HPSE2: variants seen among roughly 807,000 people sequenced by gnomAD.
HPSE2 encodes the protein heparanase 2 (inactive), also known as inactive heparanase-2.
A neutral mutation model predicts 60.5 loss-of-function variants in HPSE2; 38 were observed. The observed-to-expected ratio is 0.63, with a 90% confidence interval of 0.48 to 0.82. The LOEUF (loss-of-function observed/expected upper bound fraction) is 0.82. Ranked by LOEUF, HPSE2 falls within the 40% of genes least tolerant of loss-of-function variation. HPSE2 has a pLI of 0.00. For missense variants in HPSE2, 713 were observed against 740.4 expected, an observed-to-expected ratio of 0.96 and a Z score of 0.43; for synonymous variants, 295 against 293.2, an observed-to-expected ratio of 1.01 and a Z score of -0.06.
intron 6 of HPSE2, among the ~76,000 whole-genome samples, chr10:98,665,136 G>T (rs1947328587): frequency 6.6e-6 from 1 of 152,122 alleles, no homozygotes; most frequent in Non-Finnish European, 1.5e-5. Flanking sequence ...TTCACCAGAA[G>T]AATTTCATAA....
intron 3 of HPSE2, among the ~76,000 whole-genome samples, chr10:99,103,588 C>A (rs1844108073): frequency 6.6e-6 from 1 of 152,176 alleles, no homozygotes. Context: ...AATGCCATCC[C>A]CATCAAGCTA....
chr10:98,560,703 T>C (rs1212878515), intron 9 of HPSE2, among the ~76,000 whole-genome samples: 1 of 152,226 alleles, frequency 6.6e-6, no homozygotes. Context: ...CATAAAGATG[T>C]TTCAGTCAAT....
rs368527282 is a variant in HPSE2 at position 99,114,897 on chromosome 10, G to A, written c.610+29341C>T. On this transcript the variant is annotated intron_variant, in intron 3 of 11. Coordinates refer to ENST00000370552, the MANE Select transcript of HPSE2 (RefSeq NM_021828.5). ...CCACTGCACTCCAGCCTGAGACTCC[G>A]TCTCAAAAAAAAAAAAAAAAAAGAA... is the stretch of plus-strand genomic sequence containing the variant. 2.3e-3 allele frequency among the ~76,000 whole-genome samples: 294 copies of A among 128,812 alleles called. 4 individuals carry two copies. The highest frequency in any genetic ancestry group is 8.1e-3 in the African/African-American group (271 of 33,370). The allele number at this position is 128,812 out of a possible 152,430, so 84.5% of individuals were successfully genotyped here.
At chr10:98,843,211 A>G (rs569087608) in intron 3 of HPSE2, among the ~76,000 whole-genome samples, 2 of 152,084 alleles carry the variant, frequency 1.3e-5, no homozygotes, top group African/African-American at 2.4e-5. Context: ...CCACCCTCCG[A>G]TAGGCCCCAG....
chr10:98,909,634 T>TA (rs1416692775), intron 3 of HPSE2, among the ~76,000 whole-genome samples: 4 of 145,838 alleles, frequency 2.7e-5, no homozygotes, highest in East Asian at 2.0e-4. Flanking sequence ...GTCTCAAAAT[T>TA]TAAAAAAAAA....
At chr10:99,298,001 T>A in the HPSE2 span, among the ~76,000 whole-genome samples, 2 of 152,218 alleles carry the variant, frequency 1.3e-5, no homozygotes, top group South Asian at 2.1e-4. Context: ...TGCTGTCTTA[T>A]AACTGCTTTG....
intron 3 of HPSE2, among the ~76,000 whole-genome samples, chr10:98,960,825 G>C (rs1200239048): frequency 7.0e-6 from 1 of 142,368 alleles, no homozygotes; most frequent in African/African-American, 2.6e-5. Context: ...TGCCATGCTG[G>C]TGCGCTGCAC....
At chr10:99,054,295 A>C (rs1257456655) in intron 3 of HPSE2, among the ~76,000 whole-genome samples, 6 of 152,204 alleles carry the variant, frequency 3.9e-5, no homozygotes, top group East Asian at 1.9e-4. Flanking sequence ...GAAGAAAAGC[A>C]ATGTTAGAGT....
At chr10:99,172,126 C>A (rs1847334957) in intron 2 of HPSE2, among the ~76,000 whole-genome samples, 1 of 152,166 alleles carries the variant, frequency 6.6e-6, no homozygotes, top group African/African-American at 2.4e-5. Flanking sequence ...TACGAATGAT[C>A]CCATCATCCA....
intron 3 of HPSE2, among the ~76,000 whole-genome samples, chr10:98,777,636 A>G (rs139744960): frequency 3.3e-5 from 5 of 152,272 alleles, no homozygotes; most frequent in Middle Eastern, 3.4e-3. Flanking sequence ...TTTGTCCTCT[A>G]TAATTTTCTT....
chr10:98,468,082 CTGGTATG>C (rs1181455777), intron 11 of HPSE2, among the ~76,000 whole-genome samples: 1 of 152,262 alleles, frequency 6.6e-6, no homozygotes, highest in African/African-American at 2.4e-5. Flanking sequence ...AGCGAGGAAG[CTGGTATG>C]TGCAGCTGCC....
chr10:98,929,460 T>C (rs953498759), intron 3 of HPSE2, among the ~76,000 whole-genome samples: 4 of 143,880 alleles, frequency 2.8e-5, no homozygotes, highest in Non-Finnish European at 6.0e-5. Context: ...TCTGGCCCTA[T>C]TGATCCAGGT....
chr10:99,012,273 A>C (rs1957035673), intron 3 of HPSE2, among the ~76,000 whole-genome samples: 1 of 152,144 alleles, frequency 6.6e-6, no homozygotes, highest in Admixed American at 6.5e-5. Flanking sequence ...AGAACCATTG[A>C]AAGTAATAAT....
chr10:99,234,111 C>T (rs1178382621), intron 1 of HPSE2, among the ~76,000 whole-genome samples: 3 of 152,222 alleles, frequency 2.0e-5, no homozygotes, highest in East Asian at 1.9e-4. Context: ...AGCTCATAGA[C>T]GCGCTCTGCT....
intron 3 of HPSE2, among the ~76,000 whole-genome samples, chr10:99,067,197 C>A (rs1301028079): frequency 1.3e-5 from 2 of 152,194 alleles, no homozygotes; most frequent in African/African-American, 4.8e-5. Flanking sequence ...ATGGTACACC[C>A]CACCTCCTGG....
intron 3 of HPSE2, among the ~76,000 whole-genome samples, chr10:98,910,077 T>C (rs1021569829): frequency 1.3e-5 from 2 of 152,172 alleles, no homozygotes; most frequent in African/African-American, 4.8e-5. Flanking sequence ...ATAAAAATAA[T>C]AGCTAACTGT....
chr10:98,602,370 G>A (rs928739486), intron 9 of HPSE2, among the ~76,000 whole-genome samples: 7 of 152,234 alleles, frequency 4.6e-5, no homozygotes, highest in African/African-American at 1.7e-4. Flanking sequence ...CACCTGACAT[G>A]GGGCTTTGGA....
the HPSE2 span, among the ~76,000 whole-genome samples, chr10:99,260,680 G>A: frequency 6.6e-6 from 1 of 152,182 alleles, no homozygotes; most frequent in African/African-American, 2.4e-5. Context: ...TCACTGTGGG[G>A]ATGCCTGCCT....
At chr10:98,567,626 C>A (rs947658035) in intron 9 of HPSE2, among the ~76,000 whole-genome samples, 8 of 152,022 alleles carry the variant, frequency 5.3e-5, no homozygotes, top group Admixed American at 5.2e-4. Flanking sequence ...TCATCACCTC[C>A]AGCTGACAGA....
Sources: gnomAD v4.1 joint callset for allele counts (sites outside exome capture counted in the v4.1 genomes callset) on GRCh38, gnomAD v4.1.1 for gene constraint, MANE v1.5 for transcripts, NCBI Gene and HGNC (gene_info 2026-07-23, HGNC 2026-07-21) for gene names.